DPYD: variants seen among roughly 807,000 people sequenced by gnomAD.
The protein encoded by DPYD is dihydropyrimidine dehydrogenase [NADP(+)].
Under a neutral mutation model 116.2 loss-of-function variants are expected in DPYD, and 109 were observed. The observed-to-expected ratio is 0.94, with a 90% CI of 0.80 to 1.10. The LOEUF (loss-of-function observed/expected upper bound fraction) is 1.10. Among genes scored for constraint, DPYD ranks in the 50% least tolerant of loss-of-function variants. The pLI is 0.00. For missense variants in DPYD, 1,302 were observed against 1,254.5 expected, an observed-to-expected ratio of 1.04 and a Z score of -0.57; for synonymous variants, 440 against 432.0, an observed-to-expected ratio of 1.02 and a Z score of -0.23.
At chr1:97,261,760 A>C (rs568032263) in intron 18 of DPYD, among the ~76,000 whole-genome samples, 1 of 152,086 alleles carries the variant, frequency 6.6e-6, no homozygotes, top group East Asian at 1.9e-4. Context: ...TAGCTCTATG[A>C]AGTCTGATTT....
chr1:97,643,929 G>C (rs1040056629), intron 8 of DPYD, among the ~76,000 whole-genome samples: 1 of 151,936 alleles, frequency 6.6e-6, no homozygotes, highest in Non-Finnish European at 1.5e-5. Context: ...ACCAGGGCCT[G>C]TCAGGGGTTG....
chr1:97,909,399 A>T (rs779383788), intron 1 of DPYD, among the ~76,000 whole-genome samples: 3 of 152,026 alleles, frequency 2.0e-5, no homozygotes, highest in Non-Finnish European at 4.4e-5. Context: ...TCTTCCCTTA[A>T]TATATGTACC....
chr1:97,232,370 T>G (rs1661635643), intron 19 of DPYD, among the ~76,000 whole-genome samples: 1 of 152,214 alleles, frequency 6.6e-6, no homozygotes, highest in Non-Finnish European at 1.5e-5. Flanking sequence ...ATGATGGATT[T>G]TGGTATGGAT....
At chr1:97,612,990 T>C (rs187433320) in intron 8 of DPYD, among the ~76,000 whole-genome samples, 1 of 152,228 alleles carries the variant, frequency 6.6e-6, no homozygotes, top group Admixed American at 6.6e-5. Flanking sequence ...CTAGAATGAA[T>C]GTTATCCATC....
chr1:97,790,141 G>A (rs1158707677), intron 3 of DPYD, among the ~76,000 whole-genome samples: 2 of 152,006 alleles, frequency 1.3e-5, no homozygotes, highest in Non-Finnish European at 2.9e-5. Flanking sequence ...GAAATCATCT[G>A]GAATCCCCAC....
At chr1:97,897,067 CT>C (rs1230896029) in intron 1 of DPYD, among the ~76,000 whole-genome samples, 9 of 151,762 alleles carry the variant, frequency 5.9e-5, no homozygotes, top group Admixed American at 2.0e-4. Context: ...ATGTGATTTC[CT>C]TTAATATTTC....
At chr1:97,735,453 G>T (rs1663872289) in intron 4 of DPYD, among the ~76,000 whole-genome samples, 2 of 150,298 alleles carry the variant, frequency 1.3e-5, no homozygotes, top group South Asian at 2.1e-4. Context: ...AAAGCAGGCA[G>T]ATCACGAGGT....
chr1:97,656,345 C>T (rs1459597103), intron 8 of DPYD, among the ~76,000 whole-genome samples: 1 of 152,164 alleles, frequency 6.6e-6, no homozygotes, highest in Non-Finnish European at 1.5e-5. Context: ...ACAGAATTCT[C>T]AAGCTACTCA....
chr1:97,623,951 C>T (rs771572910), intron 8 of DPYD, among the ~76,000 whole-genome samples: 1 of 151,832 alleles, frequency 6.6e-6, no homozygotes, highest in Non-Finnish European at 1.5e-5. Context: ...CAAAATTTGA[C>T]CTTGCACCAT....
At chr1:97,280,023 G>A (rs1273369900) in intron 18 of DPYD, 1 of 152,126 alleles carries the variant, frequency 6.6e-6, no homozygotes, top group Non-Finnish European at 1.5e-5. Context: ...CCAGAGAAAA[G>A]ACCTGAAGAT....
chr1:97,156,994 A>G (rs1391119341), intron 20 of DPYD, among the ~76,000 whole-genome samples: 2 of 151,006 alleles, frequency 1.3e-5, no homozygotes, highest in African/African-American at 4.9e-5. Flanking sequence ...GGAAATCATC[A>G]TTCTCAGTAA....
intron 5 of DPYD, among the ~76,000 whole-genome samples, chr1:97,705,366 A>C (rs1045239442): frequency 3.3e-5 from 5 of 151,928 alleles, no homozygotes; most frequent in Non-Finnish European, 7.4e-5. Flanking sequence ...CCCACCTATG[A>C]GTGAGAACAT....
At chr1:97,484,141 C>T (rs957501751) in intron 13 of DPYD, among the ~76,000 whole-genome samples, 1 of 152,142 alleles carries the variant, frequency 6.6e-6, no homozygotes, top group Non-Finnish European at 1.5e-5. Context: ...CCCGTCTCTA[C>T]TAAAAATACA....
rs115896193 is a variant in DPYD, at chr1:97,699,656, C to T, written c.484-109G>A. 442 of 1,064,320 alleles carry T rather than the reference C, an allele frequency of 4.2e-4. 1 individual carries two copies. The African/African-American group carries it at 6.3e-3, about 15-fold the overall frequency. The allele number at this position is 1,064,320 out of a possible 1,614,324, so 65.9% of individuals were successfully genotyped here. On this transcript the variant is annotated intron_variant, in intron 5 of 22. Coordinates refer to ENST00000370192, the MANE Select transcript of DPYD (RefSeq NM_000110.4). Reference sequence around the variant, plus strand: ...TTGTTTTAAATAGCAATGAGCAGTACATTTTCAGTATTAATATGGTATACT... The same window carrying T: ...TTGTTTTAAATAGCAATGAGCAGTATATTTTCAGTATTAATATGGTATACT...
At chr1:97,079,966 GT>G (rs533183204) in intron 22 of DPYD, among the ~76,000 whole-genome samples, 3 of 151,502 alleles carry the variant, frequency 2.0e-5, no homozygotes, top group Non-Finnish European at 4.4e-5. Context: ...TCAGGACCGA[GT>G]TTTTTTTAAA....
chr1:97,330,237 A>G (rs947842337), intron 16 of DPYD, among the ~76,000 whole-genome samples: 20 of 152,272 alleles, frequency 1.3e-4, no homozygotes, highest in Non-Finnish European at 4.4e-5. Flanking sequence ...CAGCCCTAAA[A>G]AATTGAAAAT....
chr1:97,241,979 G>T (rs1662364193), intron 18 of DPYD, among the ~76,000 whole-genome samples: 1 of 150,356 alleles, frequency 6.7e-6, no homozygotes, highest in African/African-American at 2.4e-5. Context: ...AACATTTGGG[G>T]TTCCTTTTGT....
intron 13 of DPYD, among the ~76,000 whole-genome samples, chr1:97,505,318 T>TCTC (rs1208280150): frequency 1.3e-5 from 2 of 152,042 alleles, no homozygotes; most frequent in African/African-American, 2.4e-5. Flanking sequence ...TCTCACTATC[T>TCTC]CTACAGCTAC....
At chr1:97,567,239 G>C (rs1269229308) in intron 11 of DPYD, among the ~76,000 whole-genome samples, 1 of 152,018 alleles carries the variant, frequency 6.6e-6, no homozygotes, top group East Asian at 1.9e-4. Flanking sequence ...GCTATTGACA[G>C]AATGTTTGAT....
Sources: gnomAD v4.1 joint callset for allele counts (sites outside exome capture counted in the v4.1 genomes callset) on GRCh38, gnomAD v4.1.1 for gene constraint, MANE v1.5 for transcripts, NCBI Gene and HGNC (gene_info 2026-07-23, HGNC 2026-07-21) for gene names.